The following CDYL variants were observed in gnomAD, a reference collection of about 807,000 sequenced individuals.
CDYL encodes chromodomain Y-like protein.
A neutral mutation model predicts 47.3 loss-of-function variants in CDYL; 8 were observed. That is an observed-to-expected ratio of 0.17 (90% CI 0.10 to 0.31). The LOEUF (loss-of-function observed/expected upper bound fraction) is 0.31. Among genes scored for constraint, CDYL ranks in the 10% least tolerant of loss-of-function variants. The pLI is 1.00. For missense variants in CDYL, 471 were observed against 701.4 expected, an observed-to-expected ratio of 0.67 and a Z score of 3.71; for synonymous variants, 266 against 265.0, an observed-to-expected ratio of 1.00 and a Z score of -0.04.
intron 2 of CDYL, among the ~76,000 whole-genome samples, chr6:4,919,107 C>T (rs1018600661): frequency 3.3e-5 from 5 of 151,986 alleles, no homozygotes; most frequent in African/African-American, 9.7e-5. Context: ...TCCAGAAGAC[C>T]GGAACAAAAC....
chr6:4,810,486 T>C (rs1759497343), intron 1 of CDYL, among the ~76,000 whole-genome samples: 1 of 152,208 alleles, frequency 6.6e-6, no homozygotes, highest in African/African-American at 2.4e-5. Flanking sequence ...GTGTTGGACC[T>C]GAGACTTTGC....
chr6:4,724,483 GT>G (rs1757451794), intron 2 of CDYL: 5 of 152,742 alleles, frequency 3.3e-5, no homozygotes, highest in Non-Finnish European at 5.8e-5. Flanking sequence ...TCCGGAATCG[GT>G]GGGTTCTTGG....
intron 2 of CDYL, among the ~76,000 whole-genome samples, chr6:4,911,588 G>A (rs561535666): frequency 5.6e-4 from 85 of 152,214 alleles, no homozygotes; most frequent in African/African-American, 1.9e-3. Context: ...ACCACTTTTG[G>A]TATTGGTTCT....
chr6:4,936,568 T>C (rs1441855653), intron 3 of CDYL, among the ~76,000 whole-genome samples: 2 of 152,236 alleles, frequency 1.3e-5, no homozygotes, highest in Non-Finnish European at 2.9e-5. Context: ...CTTCATTGAT[T>C]ATTTTTAAAT....
chr6:4,722,123 G>A (rs1757381758), intron 2 of CDYL, among the ~76,000 whole-genome samples: 1 of 152,276 alleles, frequency 6.6e-6, no homozygotes, highest in African/African-American at 2.4e-5. Context: ...AAAGTGTTGG[G>A]ATTACAGGCA....
intron 4 of CDYL, among the ~76,000 whole-genome samples, chr6:4,938,520 T>C (rs938040102): frequency 1.3e-5 from 2 of 152,230 alleles, no homozygotes; most frequent in South Asian, 2.1e-4. Context: ...CACGAATACA[T>C]TGTGGAATGG....
At chr6:4,784,792 C>T (rs1288690364) in intron 1 of CDYL, among the ~76,000 whole-genome samples, 1 of 152,152 alleles carries the variant, frequency 6.6e-6, no homozygotes, top group Non-Finnish European at 1.5e-5. Context: ...TTCCCACGTA[C>T]CATGGGAGGG....
At chr6:4,943,896 T>A (rs1429800253) in intron 5 of CDYL, 140 bp downstream of exon 5, 1 of 633,932 alleles carries the variant, frequency 1.6e-6, no homozygotes, top group Non-Finnish European at 2.6e-6. Context: ...AGATTTGGGT[T>A]CATAGACGTT....
upstream of CDYL, among the ~76,000 whole-genome samples, chr6:4,776,113 G>C (rs1411553195): frequency 6.7e-6 from 1 of 149,944 alleles, no homozygotes; most frequent in Non-Finnish European, 1.5e-5. Context: ...GGGCCAGGCC[G>C]ACCCCGCAAG....
intron 3 of CDYL, among the ~76,000 whole-genome samples, chr6:4,759,687 G>A (rs986936389): frequency 4.0e-5 from 6 of 151,090 alleles, no homozygotes; most frequent in Non-Finnish European, 5.9e-5. Context: ...TTCAAGACCC[G>A]CCTGGCCATG....
intron 3 of CDYL, among the ~76,000 whole-genome samples, chr6:4,748,914 C>T (rs1261950479): frequency 1.3e-5 from 2 of 152,158 alleles, no homozygotes; most frequent in East Asian, 1.9e-4. Flanking sequence ...AAACATCTTA[C>T]CTCCTATAAT....
chr6:4,935,812 C>T, intron 3 of CDYL, 41 bp downstream of exon 3: 1 of 1,606,748 alleles, frequency 6.2e-7, no homozygotes, highest in Non-Finnish European at 8.5e-7. Context: ...TCGCGCTTCT[C>T]CCTGCCTGAT....
At chr6:4,725,386 G>T (rs990530510) in intron 2 of CDYL, among the ~76,000 whole-genome samples, 1 of 152,232 alleles carries the variant, frequency 6.6e-6, no homozygotes, top group African/African-American at 2.4e-5. Flanking sequence ...AGGGGGCGGC[G>T]CTCGTGGGGG....
intron 1 of CDYL, among the ~76,000 whole-genome samples, chr6:4,847,072 T>C (rs1760681976): frequency 6.6e-6 from 1 of 152,204 alleles, no homozygotes; most frequent in Non-Finnish European, 1.5e-5. Context: ...GTTACAGTCA[T>C]GTCTATCTGC....
intron 3 of CDYL, among the ~76,000 whole-genome samples, chr6:4,766,503 G>T (rs917748059): frequency 3.3e-5 from 5 of 152,126 alleles, no homozygotes; most frequent in South Asian, 2.1e-4. Context: ...GAGCCATGGC[G>T]CCCGGCCCTG....
At chr6:4,931,531 G>A (rs765765358) in intron 2 of CDYL, among the ~76,000 whole-genome samples, 17 of 152,132 alleles carry the variant, frequency 1.1e-4, no homozygotes, top group Non-Finnish European at 2.2e-4. Context: ...TGAGAACCCC[G>A]GGTGATGTGA....
At chr6:4,724,127 A>G (rs191256374) in intron 2 of CDYL, among the ~76,000 whole-genome samples, 4 of 151,776 alleles carry the variant, frequency 2.6e-5, no homozygotes, top group Admixed American at 2.6e-4. Context: ...TATAACCTTG[A>G]CCTCCTGGGT....
chr6:4,933,552 G>A (rs1170182817), intron 2 of CDYL, among the ~76,000 whole-genome samples: 2 of 152,188 alleles, frequency 1.3e-5, no homozygotes, highest in Non-Finnish European at 2.9e-5. Flanking sequence ...AGGCCGTGAT[G>A]GGACTGAGAC....
chr6:4,799,572 A>G (rs1431067201), intron 1 of CDYL, among the ~76,000 whole-genome samples: 1 of 151,980 alleles, frequency 6.6e-6, no homozygotes, highest in Non-Finnish European at 1.5e-5. Flanking sequence ...CAGCCTCCCA[A>G]GTAGCTGGGA....
Sources: allele counts gnomAD v4.1 joint callset (sites outside exome capture counted in the v4.1 genomes callset), GRCh38; gene constraint gnomAD v4.1.1; transcripts MANE v1.5; gene names NCBI Gene and HGNC (gene_info 2026-07-23, HGNC 2026-07-21).